The following BPHL variants were observed in gnomAD, a reference collection of about 807,000 sequenced individuals.
BPHL encodes serine hydrolase BPHL.
A neutral mutation model predicts 31.2 loss-of-function variants in BPHL; 27 were observed. The observed-to-expected ratio is 0.87, with a 90% confidence interval of 0.64 to 1.19. BPHL has a LOEUF of 1.19. Ranked by LOEUF, BPHL falls within the 50% of genes most tolerant of loss-of-function variation. The pLI is 0.00. For missense variants in BPHL, 356 were observed against 375.7 expected (o/e 0.95, Z 0.43); for synonymous variants, 150 against 146.8 (o/e 1.02, Z -0.16).
At chr6:3,128,996 A>T in intron 3 of BPHL, 49 bp from the exon 4 acceptor site, 1 of 1,612,736 alleles carries the variant, frequency 6.2e-7, no homozygotes, top group Non-Finnish European at 8.5e-7. Context: ...GTTTCTTTTA[A>T]CAGAGAGGAG....
intron 1 of BPHL, among the ~76,000 whole-genome samples, chr6:3,121,455 A>G (rs1444543641): frequency 6.6e-6 from 1 of 151,968 alleles, no homozygotes; most frequent in East Asian, 1.9e-4. Flanking sequence ...GTGCACCACC[A>G]TGCCGGGCTA....
rs966146842 is a variant in BPHL at position 3,149,787 on chromosome 6, G to T, written c.789-2701G>T. On this transcript the variant is annotated intron_variant, in intron 6 of 6. Coordinates refer to ENST00000380379, the MANE Select transcript of BPHL (RefSeq NM_004332.4). The surrounding 1 kb of genome is among the most constrained non-coding windows in gnomAD (Gnocchi z 4.6). ...TGGGATTATAGGCGCGCATCACCAC[G>T]CCGGCTAATTTTTGTGTTTTTGGTA... Among the ~76,000 whole-genome samples the T allele has an allele frequency of 6.6e-6, 1 of 152,040 alleles. No individual in the cohort carries two copies. The highest frequency in any genetic ancestry group is 1.5e-5 in the Non-Finnish European group (1 of 68,040).
chr6:3,131,135 C>A (rs1024080631), intron 4 of BPHL, among the ~76,000 whole-genome samples: 3 of 152,160 alleles, frequency 2.0e-5, no homozygotes, highest in African/African-American at 7.2e-5. Context: ...TTACTATCTT[C>A]CCATTCTTTA....
At chr6:3,125,365 G>A (rs1184192153) in intron 2 of BPHL, among the ~76,000 whole-genome samples, 4 of 151,504 alleles carry the variant, frequency 2.6e-5, no homozygotes, top group African/African-American at 9.8e-5. Flanking sequence ...TTTTTTTTAT[G>A]TAAAGTATTA....
In BPHL at chr6:3,145,987, C is replaced by A. The variant is rs1361091808; in HGVS notation, c.788+5478C>A. On this transcript the variant is annotated intron_variant, in intron 6 of 6. Coordinates refer to ENST00000380379, the MANE Select transcript of BPHL (RefSeq NM_004332.4). ...TTTGGGTCGGAGTGCTGGTTTGGGT[C>A]GAGTGCTGGTTCGGGGTGGAGTGCT... is the stretch of plus-strand genomic sequence containing the variant. 3.6e-4 allele frequency among the ~76,000 whole-genome samples: 3 copies of A among 8,394 alleles called. 1 individual carries two copies. Among genetic ancestry groups the A allele is most frequent in the South Asian group, 2.9e-3 (1 of 340 alleles). The allele number at this position is 8,394 out of a possible 152,430, so 5.5% of individuals were successfully genotyped here. A position where few individuals can be genotyped will look rare whatever the true frequency, so the allele number is the denominator to read the frequency against.
intron 1 of BPHL, chr6:3,119,226 C>T (rs1761489942): frequency 6.9e-7 from 1 of 1,455,252 alleles, no homozygotes; most frequent in Non-Finnish European, 9.3e-7. Context: ...GTCCATTGCT[C>T]TGTCCAGAGT....
chr6:3,138,960 G>C (rs1278217965), intron 5 of BPHL: 1 of 152,248 alleles, frequency 6.6e-6, no homozygotes, highest in Middle Eastern at 3.1e-3. Flanking sequence ...CATTTGGTAG[G>C]AGCCCTCTTT....
At chr6:3,130,772 G>A (rs943097368) in intron 4 of BPHL, among the ~76,000 whole-genome samples, 9 of 152,150 alleles carry the variant, frequency 5.9e-5, no homozygotes, top group Non-Finnish European at 1.2e-4. Flanking sequence ...GACAATTCAC[G>A]TGACTTTTAA....
intron 1 of BPHL, among the ~76,000 whole-genome samples, chr6:3,119,074 A>G (rs1156816741): frequency 5.3e-5 from 8 of 152,188 alleles, no homozygotes; most frequent in Non-Finnish European, 8.8e-5. Context: ...CCTCAGTTCA[A>G]GGAGTCTGGA....
In BPHL at chr6:3,129,151, G is replaced by A; in HGVS notation, c.485G>A (p.Trp162Ter). 1 of 1,610,966 alleles carries A rather than the reference G, an allele frequency of 6.2e-7. No individual in the cohort carries two copies. Among genetic ancestry groups the A allele is most frequent in the South Asian group, 1.1e-5 (1 of 90,758 alleles). The change falls in exon 4 of 7, where the codon TGG becomes TAG. Residue 162 changes from tryptophan to a stop codon, truncating the protein, a stop_gained. Transcript: ENST00000380379. LOFTEE classifies it high-confidence loss of function. ...YPSYIHKMVI[W>*]GANAYVTDED... ...TCTTACATCCACAAGATGGTGATCT[G>A]GGGCGCCAACGCCTACGTCACTGAC...
In BPHL at chr6:3,129,021, G is replaced by A. The variant is rs141806995; in HGVS notation, c.379-24G>A. The stretch of plus-strand genomic sequence containing the variant: ...ACAGAGAGGAGCAATAACCCGTGCC[G>A]TGCATTTTGTCGTATGATCATAGGC... On this transcript the variant is annotated intron_variant, in intron 3 of 6. Transcript: ENST00000380379. 1.2e-3 allele frequency: 1,928 copies of A among 1,614,186 alleles called. 7 individuals are homozygous for A. Among genetic ancestry groups the A allele is most frequent in the African/African-American group, 8.2e-3 (619 of 75,070 alleles).
intron 1 of BPHL, chr6:3,119,308 G>C: frequency 6.5e-7 from 1 of 1,547,128 alleles, no homozygotes; most frequent in East Asian, 2.4e-5. Flanking sequence ...CCTGAGTACC[G>C]CTAAGGCTTT....
At chr6:3,152,156 C>T (rs924824189) in intron 6 of BPHL, among the ~76,000 whole-genome samples, 1 of 152,168 alleles carries the variant, frequency 6.6e-6, no homozygotes, top group Non-Finnish European at 1.5e-5. Context: ...ATGGATTTTT[C>T]TAGAGTAACC....
intron 5 of BPHL, chr6:3,139,552 G>C (rs373450575): frequency 5.9e-5 from 9 of 152,280 alleles, no homozygotes; most frequent in South Asian, 2.1e-4. Context: ...CGTGCAGGGC[G>C]GGGGAGCACT....
At chr6:3,146,247 A>G (rs185771354) in intron 6 of BPHL, among the ~76,000 whole-genome samples, 120 of 5,944 alleles carry the variant, frequency 0.02, 1 homozygote, top group Admixed American at 0.032. Flanking sequence ...TGGAGTGCTG[A>G]TTCGGGTCGG....
chr6:3,147,248 G>A (rs964094319), intron 6 of BPHL, among the ~76,000 whole-genome samples: 3 of 152,116 alleles, frequency 2.0e-5, no homozygotes, highest in Non-Finnish European at 4.4e-5. Flanking sequence ...GTGTAGGAAT[G>A]AGACCCCACC....
At chr6:3,144,035 A>G (rs909040306) in intron 6 of BPHL, among the ~76,000 whole-genome samples, 3 of 152,158 alleles carry the variant, frequency 2.0e-5, no homozygotes, top group African/African-American at 4.8e-5. Context: ...TCGCTCACCT[A>G]TCTGAGGTCA....
intron 4 of BPHL, among the ~76,000 whole-genome samples, chr6:3,134,856 C>T (rs1761969465): frequency 1.3e-5 from 2 of 152,108 alleles, no homozygotes; most frequent in African/African-American, 2.4e-5. Flanking sequence ...CCTGCCTCGG[C>T]CTCCCAAAGT....
intron 5 of BPHL, 97 bp downstream of exon 5, chr6:3,137,590 C>A: frequency 6.6e-7 from 1 of 1,519,086 alleles, no homozygotes; most frequent in South Asian, 1.2e-5. Flanking sequence ...ATGAATCTGC[C>A]CATCGCCCTC....
Sources: gnomAD v4.1 joint callset for allele counts (sites outside exome capture counted in the v4.1 genomes callset) on GRCh38, gnomAD v4.1.1 for gene constraint, Gnocchi (gnomAD v3.1) non-coding constraint, MANE v1.5 for transcripts, NCBI Gene and HGNC (gene_info 2026-07-23, HGNC 2026-07-21) for gene names.